NUCB1: variants seen among roughly 807,000 people sequenced by gnomAD.
NUCB1 encodes the protein nucleobindin-1.
In NUCB1, 47 loss-of-function variants were observed where a neutral mutation model predicts 61.2. The ratio of observed to expected loss-of-function variants is 0.77; its 90% CI spans 0.61 to 0.98. The LOEUF (loss-of-function observed/expected upper bound fraction) is 0.98, where lower values mean the gene tolerates loss of function less well. Among genes scored for constraint, NUCB1 ranks in the 50% least tolerant of loss-of-function variants. The probability of loss-of-function intolerance (pLI) is 0.00; values close to 1 mark genes in which losing one functional copy is unlikely to be tolerated. For synonymous variants in NUCB1, 234 were observed against 243.1 expected (o/e 0.96, Z 0.35); for missense variants, 583 against 605.3 (o/e 0.96, Z 0.39).
At chr19:48,914,418 T>G (rs1433569463) in intron 7 of NUCB1, among the ~76,000 whole-genome samples, 2 of 152,014 alleles carry the variant, frequency 1.3e-5, no homozygotes, top group Non-Finnish European at 2.9e-5. Context: ...TCAGATAAGC[T>G]TAGCAAGGCC....
intron 11 of NUCB1, 61 bp downstream of exon 11, chr19:48,921,385 C>A: frequency 6.5e-7 from 1 of 1,529,988 alleles, no homozygotes; most frequent in Non-Finnish European, 8.9e-7. Context: ...TCCGTGTCCC[C>A]ATGGGTGTCC....
intron 4 of NUCB1, 65 bp from the exon 5 acceptor site, chr19:48,911,084 C>T: frequency 8.3e-7 from 1 of 1,207,282 alleles, no homozygotes; most frequent in Non-Finnish European, 1.2e-6. Context: ...TGGATCATGT[C>T]TGGCCCAAGA....
rs1217835072 is a variant in NUCB1, at chr19:48,922,427, C to T, written c.*3C>T. The T allele has an allele frequency of 6.2e-7, 1 of 1,610,728 alleles. No homozygotes were observed. The highest frequency in any genetic ancestry group is 2.2e-5 in the East Asian group (1 of 44,880). ...TTGAGGTGCCCCAGCATCTGTGATCCTCCGGGACCCCAGCCCTCAGGATTC... is the reference window on the plus strand; with the variant it reads ...TTGAGGTGCCCCAGCATCTGTGATCTTCCGGGACCCCAGCCCTCAGGATTC... On this transcript the variant is annotated 3_prime_UTR_variant, in exon 13 of 13. Transcript: ENST00000405315.
intron 10 of NUCB1, among the ~76,000 whole-genome samples, chr19:48,920,059 G>A (rs569486574): frequency 1.3e-5 from 2 of 150,936 alleles, no homozygotes; most frequent in South Asian, 2.1e-4. Flanking sequence ...ATGCACCACC[G>A]CACCACACCT....
At chr19:48,911,120 C>G (rs1207263381) in intron 4 of NUCB1, 29 bp from the exon 5 acceptor site, 1 of 1,509,162 alleles carries the variant, frequency 6.6e-7, no homozygotes, top group Non-Finnish European at 9.2e-7. Flanking sequence ...AACATGCCCT[C>G]AGGTGTTGGA....
intron 7 of NUCB1, among the ~76,000 whole-genome samples, chr19:48,916,930 A>G (rs537553840): frequency 2.0e-5 from 3 of 151,788 alleles, no homozygotes; most frequent in Non-Finnish European, 2.9e-5. Context: ...TAAATAAACA[A>G]ATAAATAGGC....
chr19:48,918,600 G>A, intron 7 of NUCB1, 126 bp from the exon 8 acceptor site: 5 of 763,428 alleles, frequency 6.5e-6, no homozygotes, highest in Admixed American at 2.0e-5. Context: ...CCGTTCCACC[G>A]CGGGAGACCC....
In NUCB1 at chr19:48,921,857, C is replaced by T; in HGVS notation, c.1204C>T (p.Gln402Ter). 1 of 1,611,302 alleles carries T rather than the reference C, an allele frequency of 6.2e-7. No individual in the cohort carries two copies. Among genetic ancestry groups the T allele is most frequent in the Non-Finnish European group, 8.5e-7 (1 of 1,179,032 alleles). ...GCTGCACATGGAGCAGCGGAAGCAG[C>T]AGCAGCAGCAGCAGCAAGGCCACAA... The part of the protein sequence containing the change: ...AVLHMEQRKQ[Q>*]QQQQQGHKAP... The change falls in exon 12 of 13, where the codon CAG becomes TAG. Residue 402 changes from glutamine (Q) to a stop codon, truncating the protein, a stop_gained. Coordinates refer to ENST00000405315, the MANE Select transcript of NUCB1 (RefSeq NM_006184.6). LOFTEE classifies it high-confidence loss of function.
At chr19:48,903,514 GTGGA>G (rs1264952041) in intron 2 of NUCB1, among the ~76,000 whole-genome samples, 1 of 112,212 alleles carries the variant, frequency 8.9e-6, no homozygotes, top group Non-Finnish European at 1.8e-5. Context: ...GGGTGGATGA[GTGGA>G]TGGATGGATG....
At chr19:48,907,216 G>A (rs4801781) in intron 4 of NUCB1, among the ~76,000 whole-genome samples, 1 of 150,036 alleles carries the variant, frequency 6.7e-6, no homozygotes, top group Admixed American at 6.7e-5. Flanking sequence ...CTCGTGATCC[G>A]CCCACCTCGG....
intron 2 of NUCB1, among the ~76,000 whole-genome samples, chr19:48,902,002 C>G (rs1447842840): frequency 6.6e-6 from 1 of 152,188 alleles, no homozygotes; most frequent in Non-Finnish European, 1.5e-5. Context: ...TAGGGCCCAG[C>G]CATGTGCATG....
chr19:48,904,655 C>G lies in NUCB1; in HGVS notation c.243+201C>G, dbSNP rs2037393701. On this transcript the variant is annotated intron_variant, in intron 3 of 12. Coordinates refer to ENST00000405315, the MANE Select transcript of NUCB1 (RefSeq NM_006184.6). ...TCTCCTGCCTCAACCTCCCAAGTAG[C>G]TGGGATTACAGGCGTACACCACCAT... Among the ~76,000 whole-genome samples, 5 of 152,126 alleles carry G rather than the reference C, an allele frequency of 3.3e-5. No individual in the cohort carries two copies. In the South Asian group the frequency reaches 8.3e-4, roughly 25 times the overall value.
chr19:48,906,756 A>C (rs2037416818), intron 4 of NUCB1, among the ~76,000 whole-genome samples: 1 of 152,032 alleles, frequency 6.6e-6, no homozygotes, highest in Admixed American at 6.6e-5. Context: ...TCAAACTTTT[A>C]GAAAAGTTGT....
chr19:48,903,726 A>G (rs1221224970), intron 2 of NUCB1, among the ~76,000 whole-genome samples: 3 of 52,328 alleles, frequency 5.7e-5, no homozygotes, highest in African/African-American at 2.9e-4. Flanking sequence ...GGATGGATGG[A>G]TGAGTGGATG....
intron 11 of NUCB1, 132 bp downstream of exon 11, chr19:48,921,456 G>A (rs1388151061): frequency 1.8e-5 from 18 of 1,027,400 alleles, no homozygotes; most frequent in South Asian, 1.4e-4. Context: ...AGTATTCACC[G>A]CCATCTTGAG....
Position 48,913,194 on chromosome 19 carries a change from C to T in NUCB1, c.664C>T (p.Pro222Ser). ...CCGCGAGCACCCTAAAGTCAACGTG[C>T]CTGTGAGGACCCCATTTGTGCCCAT... is the stretch of plus-strand genomic sequence containing the variant. ...RHREHPKVNV[P>S]GSQAQLKEVW... The change falls in exon 6 of 13, where the codon CCT becomes TCT. Residue 222 changes from proline (P) to serine (S), a missense_variant and splice_region_variant. By Grantham distance (74) the Pro-to-Ser change is moderately conservative. Transcript: ENST00000405315. 1 of 1,609,400 alleles carries T rather than the reference C, an allele frequency of 6.2e-7. No homozygotes were observed. Among genetic ancestry groups the T allele is most frequent in the East Asian group, 2.2e-5 (1 of 44,838 alleles).
At chr19:48,906,979 CTT>C (rs34650330) in intron 4 of NUCB1, among the ~76,000 whole-genome samples, 2 of 144,226 alleles carry the variant, frequency 1.4e-5, no homozygotes, top group Non-Finnish European at 3.0e-5. Flanking sequence ...TAATATCTTT[CTT>C]TTTTTTTTTT....
intron 7 of NUCB1, among the ~76,000 whole-genome samples, chr19:48,915,609 T>C (rs1470885943): frequency 6.6e-6 from 1 of 151,916 alleles, no homozygotes; most frequent in Admixed American, 6.6e-5. Flanking sequence ...CAAGTGATCC[T>C]CCCCCTCAGC....
At chr19:48,905,935 TG>T in intron 4 of NUCB1, 50 bp downstream of exon 4, 1 of 1,355,518 alleles carries the variant, frequency 7.4e-7, no homozygotes, top group Non-Finnish European at 1.0e-6. Flanking sequence ...TGGGGAAGGG[TG>T]GCCTCACTCC....
Sources: allele counts gnomAD v4.1 joint callset (sites outside exome capture counted in the v4.1 genomes callset), GRCh38; gene constraint gnomAD v4.1.1; transcripts MANE v1.5; gene names NCBI Gene and HGNC (gene_info 2026-07-23, HGNC 2026-07-21).